The following LRRFIP1 variants were observed in gnomAD, a reference collection of about 807,000 sequenced individuals.
LRRFIP1 encodes leucine-rich repeat flightless-interacting protein 1.
A neutral mutation model predicts 104.4 loss-of-function variants in LRRFIP1; 62 were observed. The observed-to-expected ratio is 0.59, with a 90% CI of 0.48 to 0.73. The LOEUF (loss-of-function observed/expected upper bound fraction) is 0.73, where lower values mean the gene tolerates loss of function less well. Among genes scored for constraint, LRRFIP1 ranks in the 30% least tolerant of loss-of-function variants. LRRFIP1 has a pLI of 0.00. For synonymous variants in LRRFIP1, 300 were observed against 299.0 expected (o/e 1.00, Z -0.03); for missense variants, 796 against 824.5 (o/e 0.97, Z 0.42).
chr2:237,735,205 C>A lies in LRRFIP1; in HGVS notation c.490-63C>A. The A allele has an allele frequency of 7.1e-7, 1 of 1,413,038 alleles. No individual in the cohort carries two copies. Among genetic ancestry groups the A allele is most frequent in the Non-Finnish European group, 9.8e-7 (1 of 1,015,898 alleles). 87.5% of individuals were successfully genotyped at this position (1,413,038 alleles called of 1,614,324 possible). ...AGTTTTTCACAGCTCACGTTTTCAG[C>A]ACTTTCTGGGCACTCTTGGAGAAAG... On this transcript the variant is annotated intron_variant, in intron 9 of 23. Coordinates refer to ENST00000308482, the MANE Select transcript of LRRFIP1 (RefSeq NM_001137550.2). This position sits in a 1 kb window ranked among gnomAD's most constrained non-coding sequence, Gnocchi z 4.6.
intron 1 of LRRFIP1, among the ~76,000 whole-genome samples, chr2:237,648,054 T>C (rs1575126421): frequency 6.6e-6 from 1 of 152,148 alleles, no homozygotes; most frequent in East Asian, 1.9e-4. Context: ...AAACCTGAAA[T>C]AGAGGCAGTG....
rs552272757 is a variant in LRRFIP1, at chr2:237,654,398, C to T, written c.96+26658C>T. Among the ~76,000 whole-genome samples the T allele has an allele frequency of 7.9e-5, 12 of 152,260 alleles. No individual in the cohort carries two copies. The South Asian group carries it at 1.7e-3, about 21-fold the overall frequency. On this transcript the variant is annotated intron_variant, in intron 1 of 23. Coordinates refer to ENST00000308482, the MANE Select transcript of LRRFIP1 (RefSeq NM_001137550.2). ...GGAAATGTGGAGAAAAGGGAACCAT[C>T]GTACACTGTTGGTGGGAATGTAAAT... is the stretch of plus-strand genomic sequence containing the variant.
chr2:237,666,320 CT>C (rs1223839808), intron 1 of LRRFIP1, among the ~76,000 whole-genome samples: 2 of 152,208 alleles, frequency 1.3e-5, no homozygotes, highest in East Asian at 3.8e-4. Flanking sequence ...CTTTTAAATT[CT>C]TTTTAGGTTT....
intron 23 of LRRFIP1, among the ~76,000 whole-genome samples, chr2:237,775,369 A>T (rs1044182500): frequency 1.3e-5 from 2 of 152,166 alleles, no homozygotes; most frequent in African/African-American, 2.4e-5. Context: ...AGAGCGGTGG[A>T]GGCCAAGTGA....
In LRRFIP1 at chr2:237,746,311, G is replaced by A. The variant is rs192110833; in HGVS notation, c.634-2053G>A. Among the ~76,000 whole-genome samples, 16 of 152,090 alleles carry A rather than the reference G, an allele frequency of 1.1e-4. No homozygotes were observed. The East Asian group carries it at 2.1e-3, about 20-fold the overall frequency. On this transcript the variant is annotated intron_variant, in intron 11 of 23. Coordinates refer to ENST00000308482, the MANE Select transcript of LRRFIP1 (RefSeq NM_001137550.2). ...TGACCTCAAATGATCTGCCCACCTC[G>A]GCCTCCCAAAGTACTGGGATTACAG...
At chr2:237,753,012 G>C (rs185740378) in intron 14 of LRRFIP1, among the ~76,000 whole-genome samples, 1 of 152,204 alleles carries the variant, frequency 6.6e-6, no homozygotes. Flanking sequence ...ACTGAGTGGG[G>C]CCAGAGACTC....
At chr2:237,679,808 A>G (rs1457350407) in intron 1 of LRRFIP1, among the ~76,000 whole-genome samples, 1 of 152,118 alleles carries the variant, frequency 6.6e-6, no homozygotes, top group Non-Finnish European at 1.5e-5. Context: ...GGGTTTCACC[A>G]TGTTGGTCAG....
Position 237,774,419 on chromosome 2 carries a change from T to G in LRRFIP1, c.1769T>G (p.Ile590Arg). 6.2e-7 allele frequency: 1 copy of G among 1,613,604 alleles called. No homozygotes were observed. Among genetic ancestry groups the G allele is most frequent in the Non-Finnish European group, 8.5e-7 (1 of 1,179,766 alleles). The change falls in exon 23 of 24, where the codon ATA (isoleucine) becomes AGA (arginine). Residue 590 changes from isoleucine (I) to arginine (R), a missense_variant. By Grantham distance (97) the Ile-to-Arg change is moderately conservative. Transcript: ENST00000308482. ...TCAGCGGCTGAAAATGCAGAAAAAA[T>G]AGAAGATGAACTTAAGGCAGAAAAA... is the stretch of plus-strand genomic sequence containing the variant. ...YKSAAENAEK[I>R]EDELKAEKRK...
At chr2:237,636,999 A>T (rs1316890932) in intron 1 of LRRFIP1, among the ~76,000 whole-genome samples, 1 of 152,232 alleles carries the variant, frequency 6.6e-6, no homozygotes, top group African/African-American at 2.4e-5. Flanking sequence ...AGAAAGTTGA[A>T]AATTAATCTG....
Position 237,763,874 on chromosome 2 carries a change from G to A in LRRFIP1, c.1459+3669G>A, listed in dbSNP as rs148911408. The A allele has an allele frequency of 1.1e-5, 18 of 1,614,254 alleles. No homozygotes were observed. The highest frequency in any genetic ancestry group is 2.7e-5 in the African/African-American group (2 of 75,076). On this transcript the variant is annotated intron_variant, in intron 19 of 23. Transcript: ENST00000308482. ...AAGCAGTCCTGCAGAACCAAAGAGC[G>A]AAGACGCAGATCGCTGCACCCTGCC... is the stretch of plus-strand genomic sequence containing the variant.
chr2:237,741,963 T>C (rs897514629), intron 11 of LRRFIP1, among the ~76,000 whole-genome samples: 1 of 152,222 alleles, frequency 6.6e-6, no homozygotes, highest in Non-Finnish European at 1.5e-5. Flanking sequence ...CTGGTTCCAG[T>C]GAGACATGAC....
At chr2:237,677,250 T>C (rs975517127) in intron 1 of LRRFIP1, among the ~76,000 whole-genome samples, 1 of 152,230 alleles carries the variant, frequency 6.6e-6, no homozygotes, top group Non-Finnish European at 1.5e-5. Flanking sequence ...TCTTGATGAA[T>C]AGTATGAGGT....
At chr2:237,670,594 T>TA (rs1455857008) in intron 1 of LRRFIP1, among the ~76,000 whole-genome samples, 2 of 152,156 alleles carry the variant, frequency 1.3e-5, no homozygotes, top group African/African-American at 4.8e-5. Context: ...TGTTGAGACT[T>TA]ACCTGCACTA....
chr2:237,641,557 T>C (rs945175309), intron 1 of LRRFIP1, among the ~76,000 whole-genome samples: 4 of 152,060 alleles, frequency 2.6e-5, no homozygotes, highest in African/African-American at 9.7e-5. Flanking sequence ...TCTTTTCTCC[T>C]TGGATTTCTG....
rs146298016 is a variant in LRRFIP1, at chr2:237,657,156, G to A, written c.96+29416G>A. Among the ~76,000 whole-genome samples the A allele has an allele frequency of 8.0e-3, 1,225 of 152,266 alleles. 8 individuals carry two copies. Among genetic ancestry groups the A allele is most frequent in the Middle Eastern group, 0.037 (11 of 294 alleles). On this transcript the variant is annotated intron_variant, in intron 1 of 23. Coordinates refer to ENST00000308482, the MANE Select transcript of LRRFIP1 (RefSeq NM_001137550.2). ...GTTGGATGAAGAATCACAGAAACAG[G>A]TCAAGTGTGAGGATGCACGTACCAG...
rs778375912 is a variant in LRRFIP1, at chr2:237,758,751, T to G, written c.1247T>G (p.Phe416Cys). The change falls in exon 18 of 24, where the codon TTC becomes TGC. Residue 416 changes from phenylalanine to cysteine, a missense_variant. Physicochemically the swap from Phe to Cys is radical, Grantham distance 205. Transcript: ENST00000308482. Reference sequence around the variant, plus strand: ...CAGGCATTAGAGAGGCAGAAAGAGTTCTTTGATTCCGTAAGGAGTGAACGG... The same window carrying G: ...CAGGCATTAGAGAGGCAGAAAGAGTGCTTTGATTCCGTAAGGAGTGAACGG... The part of the protein sequence containing the change: ...KIGALERQKE[F>C]FDSVRSERDD... The G allele has an allele frequency of 1.2e-6, 2 of 1,613,232 alleles. No homozygotes were observed. Among genetic ancestry groups the G allele is most frequent in the Non-Finnish European group, 1.7e-6 (2 of 1,179,582 alleles).
intron 18 of LRRFIP1, 94 bp from the exon 19 acceptor site, chr2:237,759,970 G>GA (rs1203802071): frequency 2.5e-6 from 3 of 1,203,746 alleles, no homozygotes; most frequent in African/African-American, 1.5e-5. Context: ...TGTACTTCAG[G>GA]AAAAAATGGT....
chr2:237,635,162 C>T (rs2082905960), intron 1 of LRRFIP1, among the ~76,000 whole-genome samples: 1 of 152,200 alleles, frequency 6.6e-6, no homozygotes, highest in South Asian at 2.1e-4. Flanking sequence ...TCTAAGTATT[C>T]ACATGTCTGA....
At chr2:237,652,882 G>A (rs2086167047) in intron 1 of LRRFIP1, among the ~76,000 whole-genome samples, 1 of 152,196 alleles carries the variant, frequency 6.6e-6, no homozygotes, top group African/African-American at 2.4e-5. Context: ...CAAATCTCAT[G>A]TTGAATTATG....
Sources: gnomAD v4.1 joint callset for allele counts (sites outside exome capture counted in the v4.1 genomes callset) on GRCh38, gnomAD v4.1.1 for gene constraint, Gnocchi (gnomAD v3.1) non-coding constraint, MANE v1.5 for transcripts, NCBI Gene and HGNC (gene_info 2026-07-23, HGNC 2026-07-21) for gene names.